LEMD1: variants seen among roughly 807,000 people sequenced by gnomAD.
LEMD1 encodes LEM domain-containing protein 1.
In LEMD1, 18 loss-of-function variants were observed where a neutral mutation model predicts 17.4. The observed-to-expected ratio is 1.04, with a 90% CI of 0.72 to 1.54. LEMD1 has a LOEUF of 1.54. LEMD1 is among the 40% of genes most tolerant of loss of function. LEMD1 has a pLI of 0.00. For missense variants in LEMD1, 195 were observed against 210.4 expected (o/e 0.93, Z 0.45); for synonymous variants, 88 against 77.8 (o/e 1.13, Z -0.69).
At chr1:205,392,938 A>G (rs1205748165) in intron 4 of LEMD1, among the ~76,000 whole-genome samples, 3 of 152,200 alleles carry the variant, frequency 2.0e-5, no homozygotes, top group Admixed American at 2.0e-4. Flanking sequence ...ACTTTTGTGT[A>G]ATAAAGGACA....
intron 1 of LEMD1, among the ~76,000 whole-genome samples, chr1:205,434,633 G>A (rs1247984084): frequency 6.6e-6 from 1 of 152,130 alleles, no homozygotes; most frequent in African/African-American, 2.4e-5. Flanking sequence ...GCTTCCTTCA[G>A]TTTAGAGATA....
rs1666446232 is a variant in LEMD1 at position 205,448,740 on chromosome 1, A to G, written c.-39+1128T>C. Among the ~76,000 whole-genome samples, 1 of 152,038 alleles carries G rather than the reference A, an allele frequency of 6.6e-6. No individual in the cohort carries two copies. The highest frequency in any genetic ancestry group is 2.1e-4 in the South Asian group (1 of 4,824). On this transcript the variant is annotated intron_variant, in intron 1 of 3. Coordinates refer to the LEMD1 transcript ENST00000367154. The surrounding 1 kb of genome is among the most constrained non-coding windows in gnomAD (Gnocchi z 4.7). ...CTTAACTACCCCTTCCCTAGAGAAT[A>G]AGGCCGGATCTTTTCAAGGCTGCTG...
chr1:205,387,298 A>G (rs756195148), intron 4 of LEMD1: 1 of 152,164 alleles, frequency 6.6e-6, no homozygotes, highest in African/African-American at 2.4e-5. Flanking sequence ...AGGCCATATA[A>G]CAGGGAAAAG....
At chr1:205,400,258 T>G (rs1664779280) in intron 4 of LEMD1, among the ~76,000 whole-genome samples, 1 of 152,144 alleles carries the variant, frequency 6.6e-6, no homozygotes, top group Non-Finnish European at 1.5e-5. Context: ...AGAAGAGGTC[T>G]CACTATGTTG....
intron 1 of LEMD1, among the ~76,000 whole-genome samples, chr1:205,430,065 G>A (rs989996621): frequency 1.3e-5 from 2 of 152,234 alleles, no homozygotes; most frequent in African/African-American, 2.4e-5. Flanking sequence ...GCCAGGCAGC[G>A]TCTGTCTCAA....
At chr1:205,423,323 T>C (rs921633108), upstream of LEMD1, among the ~76,000 whole-genome samples, 2 of 152,220 alleles carry the variant, frequency 1.3e-5, no homozygotes, top group Non-Finnish European at 2.9e-5. Flanking sequence ...ACAAAGACTT[T>C]GAAAATTGAC....
intron 1 of LEMD1, among the ~76,000 whole-genome samples, chr1:205,439,282 A>G (rs1361319479): frequency 2.0e-5 from 3 of 152,208 alleles, no homozygotes; most frequent in Non-Finnish European, 4.4e-5. Flanking sequence ...ACTTCTGTTT[A>G]TAATTCTTTG....
chr1:205,424,294 G>A (rs78382752), upstream of LEMD1, among the ~76,000 whole-genome samples: 2,138 of 152,314 alleles, frequency 0.014, 58 homozygotes, highest in African/African-American at 0.048. Flanking sequence ...AGTGGAAAGC[G>A]GAGGCATTTC....
chr1:205,395,771 G>A (rs557547497), intron 4 of LEMD1, among the ~76,000 whole-genome samples: 2 of 151,902 alleles, frequency 1.3e-5, no homozygotes, highest in South Asian at 4.2e-4. Context: ...AATATATAAC[G>A]AGCTTCTATA....
intron 4 of LEMD1, among the ~76,000 whole-genome samples, chr1:205,397,115 T>C (rs1234169923): frequency 1.3e-5 from 2 of 152,118 alleles, no homozygotes; most frequent in Non-Finnish European, 2.9e-5. Flanking sequence ...GGACTCTCAC[T>C]ACGTAGCAAT....
At chr1:205,400,686 CT>C (rs968759135) in intron 4 of LEMD1, among the ~76,000 whole-genome samples, 6 of 150,984 alleles carry the variant, frequency 4.0e-5, no homozygotes, top group Admixed American at 6.6e-5. Context: ...GTATTTTTGT[CT>C]TTTTTTTTCC....
chr1:205,383,624 TTTTTTTTC>T (rs1663833257), intron 5 of LEMD1, among the ~76,000 whole-genome samples: 1 of 151,748 alleles, frequency 6.6e-6, no homozygotes, highest in African/African-American at 2.4e-5. Context: ...ATATCCTTTT[TTTTTTTTC>T]TTTTTTCTTT....
intron 1 of LEMD1, among the ~76,000 whole-genome samples, chr1:205,434,714 C>T (rs1481134344): frequency 6.6e-6 from 1 of 152,100 alleles, no homozygotes; most frequent in Non-Finnish European, 1.5e-5. Context: ...GGCCCCAACA[C>T]CTCACTTTAT....
intron 1 of LEMD1, among the ~76,000 whole-genome samples, chr1:205,438,450 C>T (rs945544505): frequency 6.6e-6 from 1 of 152,208 alleles, no homozygotes; most frequent in East Asian, 1.9e-4. Flanking sequence ...GCAGGGTCTG[C>T]GAATGCTGGG....
rs973199586 is a variant in LEMD1 at position 205,422,008 on chromosome 1, A to G, written c.-57T>C. ...CACTTACCCCTTCACATGGTTATCT[A>G]AAGTCTATGCAATCGAGTTGGTTAC... On this transcript the variant is annotated 5_prime_UTR_variant, in exon 1 of 6. Coordinates refer to ENST00000367153, the MANE Select transcript of LEMD1 (RefSeq NM_001199050.2). 6.6e-6 allele frequency: 1 copy of G among 152,192 alleles called. No individual in the cohort carries two copies. Among genetic ancestry groups the G allele is most frequent in the African/African-American group, 2.4e-5 (1 of 41,450 alleles). The allele number at this position is 152,192 out of a possible 1,614,324, so 9.4% of individuals were successfully genotyped here. A position where few individuals can be genotyped will look rare whatever the true frequency, so the allele number is the denominator to read the frequency against.
chr1:205,419,000 A>C (rs866524678), intron 3 of LEMD1, among the ~76,000 whole-genome samples: 11 of 152,240 alleles, frequency 7.2e-5, no homozygotes, highest in African/African-American at 2.4e-4. Context: ...CACGTTGAGC[A>C]GTCATTCCCC....
At position 205,419,231 on chromosome 1, in the gene LEMD1, T is replaced by TTCGCTGTCA. The variant is rs1558735057; in HGVS notation, c.195_203dup (p.Asp65_Ser67dup). ...TAGCAGTACAGCTTATGGCGGTACC[T>TTCGCTGTCA]TCGCTGTCATCACTGTCCTGCGCTC... On this transcript the variant is annotated inframe_insertion and splice_region_variant, in exon 3 of 6. Transcript: ENST00000367153. 3.1e-6 allele frequency: 5 copies of TTCGCTGTCA among 1,614,060 alleles called. No homozygotes were observed. The highest frequency in any genetic ancestry group is 3.4e-6 in the Non-Finnish European group (4 of 1,179,980).
chr1:205,417,102 G>C (rs976319063), intron 3 of LEMD1, among the ~76,000 whole-genome samples: 2 of 152,138 alleles, frequency 1.3e-5, no homozygotes, highest in Non-Finnish European at 2.9e-5. Flanking sequence ...GGTACCAGTG[G>C]CTATGAGACT....
At position 205,391,978 on chromosome 1, in the gene LEMD1, G is replaced by A. The variant is rs148002357; in HGVS notation, c.271-7614C>T. 4.6e-3 allele frequency among the ~76,000 whole-genome samples: 698 copies of A among 151,236 alleles called. 6 individuals carry two copies. Among genetic ancestry groups the A allele is most frequent in the African/African-American group, 0.016 (647 of 41,086 alleles). On this transcript the variant is annotated intron_variant, in intron 4 of 5. Transcript: ENST00000367153. ...AAAAAAAAAAAAGCCGGGCATAGTGGCAGGCACCTGTAATCCCAGCTACTC... is the reference window on the plus strand; with the variant it reads ...AAAAAAAAAAAAGCCGGGCATAGTGACAGGCACCTGTAATCCCAGCTACTC...
Sources: allele counts gnomAD v4.1 joint callset (sites outside exome capture counted in the v4.1 genomes callset), GRCh38; gene constraint gnomAD v4.1.1; non-coding constraint Gnocchi (gnomAD v3.1); transcripts MANE v1.5; gene names NCBI Gene and HGNC (gene_info 2026-07-23, HGNC 2026-07-21).